The following NTM variants were observed in gnomAD, a reference collection of about 807,000 sequenced individuals.
NTM encodes neurotrimin.
Under a neutral mutation model 42.1 loss-of-function variants are expected in NTM, and 13 were observed. That is an observed-to-expected ratio of 0.31 (90% CI 0.20 to 0.49). The LOEUF is 0.49. Among genes scored for constraint, NTM ranks in the 20% least tolerant of loss-of-function variants. The pLI, the probability that NTM is intolerant of heterozygous loss-of-function variation, is 0.99. For synonymous variants in NTM, 187 were observed against 179.2 expected (o/e 1.04, Z -0.35); for missense variants, 373 against 452.8 (o/e 0.82, Z 1.60).
intron 1 of NTM, among the ~76,000 whole-genome samples, chr11:131,401,144 A>G (rs34613761): frequency 0.086 from 13,122 of 152,108 alleles, 675 homozygotes; most frequent in Non-Finnish European, 0.12. Context: ...ACCTAAAAAT[A>G]TTTAGCCTTT....
At chr11:131,823,693 A>G (rs1592105263) in intron 1 of NTM, among the ~76,000 whole-genome samples, 2 of 152,354 alleles carry the variant, frequency 1.3e-5, no homozygotes, top group African/African-American at 2.4e-5. Flanking sequence ...CCTGATAGTT[A>G]TACGTCTTCT....
At chr11:131,977,143 T>C (rs2064516812) in intron 2 of NTM, among the ~76,000 whole-genome samples, 1 of 152,236 alleles carries the variant, frequency 6.6e-6, no homozygotes, top group Admixed American at 6.5e-5. Flanking sequence ...CCTTCAGAAA[T>C]GCATGGATTG....
chr11:132,254,414 G>A lies in NTM; in HGVS notation c.526+42267G>A, dbSNP rs1178800270. On this transcript the variant is annotated intron_variant, in intron 4 of 8. Transcript: ENST00000683400. ...CACCTTTTCCCATGTTTCACAGAAG[G>A]CCAGTCTCCTTTTCCCCACGTCTCT... Among the ~76,000 whole-genome samples, 8 of 151,786 alleles carry A rather than the reference G, an allele frequency of 5.3e-5. No homozygotes were observed. In the East Asian group the frequency reaches 1.2e-3, roughly 22 times the overall value.
chr11:131,562,893 T>A (rs2056415057), intron 1 of NTM, among the ~76,000 whole-genome samples: 1 of 152,162 alleles, frequency 6.6e-6, no homozygotes, highest in African/African-American at 2.4e-5. Flanking sequence ...CCTTTAACCA[T>A]GCTTAGTGGA....
intron 1 of NTM, among the ~76,000 whole-genome samples, chr11:131,409,220 A>G (rs1327730812): frequency 6.6e-6 from 1 of 152,270 alleles, no homozygotes; most frequent in African/African-American, 2.4e-5. Context: ...GCAAAGTATT[A>G]GCATCAAACA....
At chr11:131,864,826 C>G (rs1242024096) in intron 1 of NTM, among the ~76,000 whole-genome samples, 4 of 152,150 alleles carry the variant, frequency 2.6e-5, no homozygotes, top group African/African-American at 9.7e-5. Context: ...TTCAGAATGT[C>G]TCTCCTAATG....
chr11:131,653,676 G>A (rs957380831), intron 1 of NTM, among the ~76,000 whole-genome samples: 2 of 152,226 alleles, frequency 1.3e-5, no homozygotes, highest in East Asian at 3.9e-4. Context: ...AGAGTGTAGG[G>A]CACCCCTGCG....
intron 4 of NTM, among the ~76,000 whole-genome samples, chr11:132,230,424 G>T (rs2087277646): frequency 6.6e-6 from 1 of 152,202 alleles, no homozygotes; most frequent in African/African-American, 2.4e-5. Flanking sequence ...CAAGTCAGAG[G>T]TGGAGATGGG....
At chr11:131,483,014 C>A (rs1953776768) in intron 1 of NTM, among the ~76,000 whole-genome samples, 1 of 152,176 alleles carries the variant, frequency 6.6e-6, no homozygotes, top group South Asian at 2.1e-4. Flanking sequence ...CTCTTTTAAT[C>A]TTCTTAGAGG....
intron 1 of NTM, among the ~76,000 whole-genome samples, chr11:131,820,280 A>G (rs915674166): frequency 1.3e-5 from 2 of 151,442 alleles, no homozygotes; most frequent in African/African-American, 4.9e-5. Flanking sequence ...GCTTCTGGAA[A>G]CCCTCTGGTT....
chr11:132,134,312 G>T (rs551711659), intron 2 of NTM, among the ~76,000 whole-genome samples: 1 of 152,092 alleles, frequency 6.6e-6, no homozygotes, highest in South Asian at 2.1e-4. Context: ...TTGTTTGTTT[G>T]GTTGGCTTTT....
chr11:132,323,502 A>G (rs1218631096), intron 7 of NTM, among the ~76,000 whole-genome samples: 2,733 of 151,470 alleles, frequency 0.018, 81 homozygotes, highest in African/African-American at 0.063. Flanking sequence ...TGAATAGACC[A>G]ATAACAGGAT....
At chr11:131,436,317 T>C (rs1949127990) in intron 1 of NTM, among the ~76,000 whole-genome samples, 1 of 152,210 alleles carries the variant, frequency 6.6e-6, no homozygotes, top group East Asian at 1.9e-4. Context: ...TAGGGAGGAT[T>C]CCCTCTTTTT....
intron 1 of NTM, among the ~76,000 whole-genome samples, chr11:131,633,728 T>TCTCTCTCC (rs1369513421): frequency 4.7e-5 from 1 of 21,344 alleles, no homozygotes; most frequent in Non-Finnish European, 1.4e-4. Flanking sequence ...CCTCTCTCTC[T>TCTCTCTCC]CTCTCTCTCC....
At chr11:131,516,099 G>C (rs1211420450) in intron 1 of NTM, among the ~76,000 whole-genome samples, 1 of 152,218 alleles carries the variant, frequency 6.6e-6, no homozygotes, top group Non-Finnish European at 1.5e-5. Context: ...ACTAGCTATA[G>C]AGAAAGCATT....
At chr11:132,311,342 G>A (rs1565449303) in intron 6 of NTM, among the ~76,000 whole-genome samples, 1 of 151,882 alleles carries the variant, frequency 6.6e-6, no homozygotes. Context: ...GCAGTGTTTT[G>A]TTTTTTTAAA....
chr11:131,501,068 A>G (rs112217333), intron 1 of NTM, among the ~76,000 whole-genome samples: 1,726 of 152,074 alleles, frequency 0.011, 36 homozygotes, highest in African/African-American at 0.039. Flanking sequence ...GCCTAGTTAC[A>G]TAACCACAAT....
chr11:132,282,350 C>T (rs887582829), intron 4 of NTM, among the ~76,000 whole-genome samples: 2 of 152,218 alleles, frequency 1.3e-5, no homozygotes, highest in African/African-American at 4.8e-5. Context: ...TAGGGAATAG[C>T]TTGTGTCTGG....
At chr11:131,750,585 T>C (rs1245914417) in intron 1 of NTM, among the ~76,000 whole-genome samples, 1 of 152,228 alleles carries the variant, frequency 6.6e-6, no homozygotes, top group Non-Finnish European at 1.5e-5. Context: ...ATCTAAGTCA[T>C]TATTAAATCC....
Sources: gnomAD v4.1 joint callset for allele counts (sites outside exome capture counted in the v4.1 genomes callset) on GRCh38, gnomAD v4.1.1 for gene constraint, MANE v1.5 for transcripts, NCBI Gene and HGNC (gene_info 2026-07-23, HGNC 2026-07-21) for gene names.